Variants in RGMA observed in about 807,000 individuals in gnomAD.
The protein encoded by RGMA is repulsive guidance molecule BMP co-receptor a, also known as repulsive guidance molecule A.
Under a neutral mutation model 23.2 loss-of-function variants are expected in RGMA, and 10 were observed. The observed-to-expected ratio is 0.43, with a 90% CI of 0.27 to 0.73. The LOEUF (loss-of-function observed/expected upper bound fraction) is 0.73. RGMA is among the 30% of genes least tolerant of loss of function. RGMA has a pLI of 0.20. For synonymous variants in RGMA, 308 were observed against 279.3 expected (o/e 1.10, Z -1.03); for missense variants, 547 against 630.5 (o/e 0.87, Z 1.42).
intron 2 of RGMA, among the ~76,000 whole-genome samples, chr15:93,064,980 ATTT>A (rs200573689): frequency 6.9e-6 from 1 of 144,132 alleles, no homozygotes; most frequent in Non-Finnish European, 1.5e-5. Context: ...CCACATGGTA[ATTT>A]TTTTTTTTTT....
At chr15:93,064,282 A>C (rs964047265) in intron 2 of RGMA, among the ~76,000 whole-genome samples, 24 of 152,226 alleles carry the variant, frequency 1.6e-4, no homozygotes, top group Admixed American at 2.0e-4. Context: ...AGCTACTCCG[A>C]GTTCCACAAG....
At chr15:93,055,631 T>C (rs908344701) in intron 2 of RGMA, among the ~76,000 whole-genome samples, 1 of 152,056 alleles carries the variant, frequency 6.6e-6, no homozygotes, top group Non-Finnish European at 1.5e-5. Flanking sequence ...CCCCCACGGG[T>C]GGGCTCCAGC....
chr15:93,045,785 T>C lies in RGMA; in HGVS notation c.646-80A>G. ...GCCCCACACTTAAGATGCTCTAGAC[T>C]GAGAGGAGGGCAGGAAGGATCCCCA... On this transcript the variant is annotated intron_variant, in intron 3 of 3. Coordinates refer to ENST00000329082, the MANE Select transcript of RGMA (RefSeq NM_020211.3). This position sits in a 1 kb window ranked among gnomAD's most constrained non-coding sequence, Gnocchi z 6.9. 2 of 1,066,280 alleles carry C rather than the reference T, an allele frequency of 1.9e-6. No individual in the cohort carries two copies. Among genetic ancestry groups the C allele is most frequent in the African/African-American group, 1.5e-5 (1 of 64,854 alleles). The allele number at this position is 1,066,280 out of a possible 1,614,324, so 66.1% of individuals were successfully genotyped here. A position where few individuals can be genotyped will look rare whatever the true frequency, so the allele number is the denominator to read the frequency against.
At chr15:93,052,931 C>G (rs2054952429) in intron 2 of RGMA, among the ~76,000 whole-genome samples, 1 of 152,248 alleles carries the variant, frequency 6.6e-6, no homozygotes, top group Non-Finnish European at 1.5e-5. Flanking sequence ...TGTCCCCAGT[C>G]CTGGCATTGT....
At chr15:93,082,405 C>T (rs1369739029) in intron 1 of RGMA, among the ~76,000 whole-genome samples, 1 of 152,212 alleles carries the variant, frequency 6.6e-6, no homozygotes, top group Non-Finnish European at 1.5e-5. Flanking sequence ...ATGCCACGGG[C>T]ACAGCCATTT....
At chr15:93,078,938 G>A (rs1365169168) in intron 1 of RGMA, among the ~76,000 whole-genome samples, 1 of 152,194 alleles carries the variant, frequency 6.6e-6, no homozygotes, top group Non-Finnish European at 1.5e-5. Flanking sequence ...CTGTAATTTG[G>A]ATTATGTTCT....
At chr15:93,087,770 G>A (rs1567198167) in intron 1 of RGMA, among the ~76,000 whole-genome samples, 3 of 152,164 alleles carry the variant, frequency 2.0e-5, no homozygotes, top group African/African-American at 7.2e-5. Context: ...AAACCAAACA[G>A]AGAAGGTGAT....
In RGMA at chr15:93,041,888, A is replaced by G. The variant is rs34615212; in HGVS notation, c.*3110T>C. 23,862 of 152,348 alleles carry G rather than the reference A, an allele frequency of 0.16. 2,471 individuals are homozygous for G. Among genetic ancestry groups the G allele is most frequent in the South Asian group, 0.3 (1,457 of 4,822 alleles). The allele number at this position is 152,348 out of a possible 1,614,324, so 9.4% of individuals were successfully genotyped here. On this transcript the variant is annotated 3_prime_UTR_variant, in exon 4 of 4. Coordinates refer to ENST00000329082, the MANE Select transcript of RGMA (RefSeq NM_020211.3). Reference sequence around the variant, plus strand: ...GAACGTTCTCCTTTTTTGGCCGGGCACGGTGGTGGCTCACGCCTGTAATCC... The same window carrying G: ...GAACGTTCTCCTTTTTTGGCCGGGCGCGGTGGTGGCTCACGCCTGTAATCC...
intron 2 of RGMA, among the ~76,000 whole-genome samples, chr15:93,053,170 G>A (rs2054956757): frequency 6.6e-6 from 1 of 152,194 alleles, no homozygotes. Context: ...CCTGCTCAGA[G>A]AAGCAAGCTG....
At chr15:93,079,779 C>T (rs1483913776) in intron 1 of RGMA, among the ~76,000 whole-genome samples, 1 of 152,026 alleles carries the variant, frequency 6.6e-6, no homozygotes, top group Non-Finnish European at 1.5e-5. Context: ...GAGGTCCTGC[C>T]ACTGCACTCC....
chr15:93,047,302 C>T (rs1045069558), intron 3 of RGMA, among the ~76,000 whole-genome samples: 5 of 152,188 alleles, frequency 3.3e-5, no homozygotes, highest in African/African-American at 4.8e-5. Context: ...AGAGAAAAAA[C>T]CACCCCTTCT....
chr15:93,074,285 C>T lies in RGMA; in HGVS notation c.15-1254G>A, dbSNP rs553158419. 5.9e-5 allele frequency among the ~76,000 whole-genome samples: 9 copies of T among 152,330 alleles called. No homozygotes were observed. The South Asian group carries it at 1.5e-3, about 25-fold the overall frequency. On this transcript the variant is annotated intron_variant, in intron 1 of 3. Coordinates refer to ENST00000329082, the MANE Select transcript of RGMA (RefSeq NM_020211.3). Reference sequence around the variant, plus strand: ...CTCTTAAGCACTATCACAGTCCTTACCTGCTGCAAAGGCCACACAGGCTTG... The same window carrying T: ...CTCTTAAGCACTATCACAGTCCTTATCTGCTGCAAAGGCCACACAGGCTTG...
chr15:93,068,328 A>G (rs1306540026), intron 2 of RGMA, among the ~76,000 whole-genome samples: 3 of 152,130 alleles, frequency 2.0e-5, no homozygotes, highest in Non-Finnish European at 4.4e-5. Context: ...GGCCTCGCAC[A>G]TTTCACCAAA....
intron 1 of RGMA, among the ~76,000 whole-genome samples, chr15:93,082,372 T>A (rs897618683): frequency 2.0e-5 from 3 of 152,242 alleles, no homozygotes; most frequent in Non-Finnish European, 4.4e-5. Flanking sequence ...CTCCCCCATG[T>A]AACCAGCGTC....
At chr15:93,073,179 C>A in intron 1 of RGMA, 148 bp from the exon 2 acceptor site, 1 of 1,237,122 alleles carries the variant, frequency 8.1e-7, no homozygotes, top group Non-Finnish European at 1.0e-6. Flanking sequence ...GCGCCGCCCC[C>A]CGCGCGCCCC....
chr15:93,066,424 G>A (rs542792812), intron 2 of RGMA: 53 of 642,422 alleles, frequency 8.3e-5, no homozygotes, highest in East Asian at 3.6e-5. Flanking sequence ...TTCCAAGGCC[G>A]CCGTCGTTGC....
chr15:93,055,869 C>T (rs17649161), intron 2 of RGMA, among the ~76,000 whole-genome samples: 10,364 of 152,286 alleles, frequency 0.068, 476 homozygotes, highest in Middle Eastern at 0.18. Context: ...GCTTCGTGAT[C>T]GGGATCTGCT....
intron 2 of RGMA, among the ~76,000 whole-genome samples, chr15:93,054,626 T>G (rs1420294549): frequency 6.6e-6 from 1 of 152,238 alleles, no homozygotes; most frequent in Non-Finnish European, 1.5e-5. Flanking sequence ...TGTGGAACTA[T>G]GAGTCCATTA....
At chr15:93,068,360 GAC>G (rs200201232) in intron 2 of RGMA, among the ~76,000 whole-genome samples, 3,536 of 152,240 alleles carry the variant, frequency 0.023, 64 homozygotes, top group Non-Finnish European at 0.034. Flanking sequence ...TAGCAGGAAC[GAC>G]ACTCTCCCCA....
Sources: allele counts gnomAD v4.1 joint callset (sites outside exome capture counted in the v4.1 genomes callset), GRCh38; gene constraint gnomAD v4.1.1; non-coding constraint Gnocchi (gnomAD v3.1); transcripts MANE v1.5; gene names NCBI Gene and HGNC (gene_info 2026-07-23, HGNC 2026-07-21).